Variants in PLCE1 observed in about 807,000 individuals in gnomAD.
PLCE1 encodes 1-phosphatidylinositol 4,5-bisphosphate phosphodiesterase epsilon-1.
Under a neutral mutation model 242.8 loss-of-function variants are expected in PLCE1, and 119 were observed. That is an observed-to-expected ratio of 0.49 (90% CI 0.42 to 0.57). PLCE1 has a LOEUF of 0.57. Ranked by LOEUF, PLCE1 falls within the 20% of genes least tolerant of loss-of-function variation. The pLI is 0.00. For missense variants in PLCE1, 2,441 were observed against 2,788.8 expected, an observed-to-expected ratio of 0.88 and a Z score of 2.81; for synonymous variants, 945 against 1,017.4, an observed-to-expected ratio of 0.93 and a Z score of 1.35.
At chr10:94,037,475 T>C (rs1752160541) in intron 2 of PLCE1, among the ~76,000 whole-genome samples, 1 of 152,190 alleles carries the variant, frequency 6.6e-6, no homozygotes, top group Non-Finnish European at 1.5e-5. Flanking sequence ...GTTTGGACCT[T>C]GAGACAATTA....
At chr10:94,097,590 T>C (rs2045360870) in intron 2 of PLCE1, among the ~76,000 whole-genome samples, 1 of 152,130 alleles carries the variant, frequency 6.6e-6, no homozygotes. Flanking sequence ...CTATGAAAGG[T>C]AGTAAGGCGG....
At chr10:94,076,942 G>A (rs1269446440) in intron 2 of PLCE1, among the ~76,000 whole-genome samples, 1 of 152,056 alleles carries the variant, frequency 6.6e-6, no homozygotes, top group Non-Finnish European at 1.5e-5. Context: ...AATCTACCAA[G>A]CTGAAACAGC....
In PLCE1 at chr10:94,204,740, AAGGG is replaced by A. The variant is rs1156569478; in HGVS notation, c.1810-22558_1810-22555del. ...AGAAGGAAGGAAGGAAGGAAAGAAG[AAGGG>A]AGGGAGGAAGGAAGGAAGGAAGGAA... is the stretch of plus-strand genomic sequence containing the variant. On this transcript the variant is annotated intron_variant, in intron 4 of 32. Coordinates refer to ENST00000371380, the MANE Select transcript of PLCE1 (RefSeq NM_016341.4). 1.3e-3 allele frequency among the ~76,000 whole-genome samples: 162 copies of A among 124,458 alleles called. 1 individual carries two copies. The highest frequency in any genetic ancestry group is 4.5e-3 in the African/African-American group (143 of 31,696). 81.6% of individuals were successfully genotyped at this position (124,458 alleles called of 152,430 possible).
chr10:94,104,949 G>A (rs1184857200), intron 2 of PLCE1: 7 of 152,192 alleles, frequency 4.6e-5, no homozygotes, highest in Non-Finnish European at 1.0e-4. Flanking sequence ...CAAAAAGGAA[G>A]CAAATGTAAA....
At chr10:94,230,649 C>T (rs997645758) in intron 5 of PLCE1, among the ~76,000 whole-genome samples, 1 of 151,678 alleles carries the variant, frequency 6.6e-6, no homozygotes, top group East Asian at 1.9e-4. Context: ...CTCACTCTGT[C>T]ACCCAGGCTG....
chr10:94,219,439 A>G (rs1451200411), intron 4 of PLCE1, among the ~76,000 whole-genome samples: 2 of 152,190 alleles, frequency 1.3e-5, no homozygotes, highest in South Asian at 2.1e-4. Flanking sequence ...ATATTATAGC[A>G]AAGACAGCTC....
intron 4 of PLCE1, among the ~76,000 whole-genome samples, chr10:94,202,699 C>T (rs541906530): frequency 2.6e-5 from 4 of 152,260 alleles, no homozygotes; most frequent in East Asian, 1.9e-4. Flanking sequence ...AAGGTGTGTC[C>T]GTGCGGCAGA....
intron 8 of PLCE1, among the ~76,000 whole-genome samples, chr10:94,247,369 G>A (rs2050722471): frequency 6.6e-6 from 1 of 151,266 alleles, no homozygotes; most frequent in African/African-American, 2.4e-5. Flanking sequence ...ATAGTCCCAG[G>A]ATCATTGTAG....
chr10:94,279,772 T>C lies in PLCE1; in HGVS notation c.4666-10T>C. ...GGCATCTGCAGTTTACAATTATTGC[T>C]ATTTTACAGGCTCATCAGTTAGCAT... On this transcript the variant is annotated splice_polypyrimidine_tract_variant and intron_variant, in intron 19 of 32. Coordinates refer to ENST00000371380, the MANE Select transcript of PLCE1 (RefSeq NM_016341.4). 6.2e-7 allele frequency: 1 copy of C among 1,613,664 alleles called. No individual in the cohort carries two copies. Among genetic ancestry groups the C allele is most frequent in the East Asian group, 2.2e-5 (1 of 44,868 alleles).
chr10:94,196,762 C>G (rs1308858979), intron 4 of PLCE1, among the ~76,000 whole-genome samples: 1 of 152,140 alleles, frequency 6.6e-6, no homozygotes, highest in African/African-American at 2.4e-5. Context: ...AGAAAGCACT[C>G]TACTTTCTAT....
At chr10:94,055,011 C>CAAAAAAA (rs71306823) in intron 2 of PLCE1, among the ~76,000 whole-genome samples, 6 of 91,200 alleles carry the variant, frequency 6.6e-5, no homozygotes, top group African/African-American at 3.5e-5. Flanking sequence ...GACTCCATCT[C>CAAAAAAA]AAAAAAAAAA....
intron 7 of PLCE1, among the ~76,000 whole-genome samples, chr10:94,241,089 G>C (rs2050489196): frequency 6.6e-6 from 1 of 152,032 alleles, no homozygotes; most frequent in Non-Finnish European, 1.5e-5. Flanking sequence ...ATTTTATTTT[G>C]AGCATTAGTC....
intron 4 of PLCE1, among the ~76,000 whole-genome samples, chr10:94,224,310 T>A (rs993974439): frequency 2.0e-5 from 3 of 152,204 alleles, no homozygotes; most frequent in African/African-American, 7.2e-5. Context: ...AGGAAATAAA[T>A]CTGGATGAGT....
At chr10:94,019,347 A>G (rs539864599) in intron 1 of PLCE1, among the ~76,000 whole-genome samples, 1 of 152,194 alleles carries the variant, frequency 6.6e-6, no homozygotes, top group African/African-American at 2.4e-5. Context: ...AAAAGTTGAT[A>G]TGTTATGGGG....
At chr10:94,235,776 T>C (rs1334493772) in intron 6 of PLCE1, 139 bp from the exon 7 acceptor site, 2 of 1,458,572 alleles carry the variant, frequency 1.4e-6, no homozygotes, top group African/African-American at 1.4e-5. Context: ...AAAATGTTTT[T>C]CCTGGAGGCT....
intron 2 of PLCE1, among the ~76,000 whole-genome samples, chr10:94,054,548 G>A (rs902966265): frequency 1.3e-5 from 2 of 152,210 alleles, no homozygotes; most frequent in Non-Finnish European, 1.5e-5. Context: ...CTCAGAGACC[G>A]AGAACTAAAC....
chr10:94,152,467 T>A (rs1046129042), intron 3 of PLCE1, among the ~76,000 whole-genome samples: 19 of 152,224 alleles, frequency 1.2e-4, no homozygotes, highest in Non-Finnish European at 2.8e-4. Flanking sequence ...TGAACAATTA[T>A]GAGTTCCCTC....
intron 3 of PLCE1, among the ~76,000 whole-genome samples, chr10:94,132,913 G>A (rs2046648660): frequency 7.2e-6 from 1 of 138,512 alleles, no homozygotes; most frequent in African/African-American, 2.8e-5. Flanking sequence ...TCACGCCACT[G>A]CACTCTAGCC....
intron 2 of PLCE1, among the ~76,000 whole-genome samples, chr10:94,073,619 G>C (rs2044422709): frequency 6.6e-6 from 1 of 152,176 alleles, no homozygotes; most frequent in African/African-American, 2.4e-5. Context: ...CCACTTTAGG[G>C]TTTTAAGTCA....
Sources: allele counts gnomAD v4.1 joint callset (sites outside exome capture counted in the v4.1 genomes callset), GRCh38; gene constraint gnomAD v4.1.1; transcripts MANE v1.5; gene names NCBI Gene and HGNC (gene_info 2026-07-23, HGNC 2026-07-21).